Variants in SYT14 observed in about 807,000 individuals in gnomAD.
The protein encoded by SYT14 is synaptotagmin-14.
SYT14 carries 32 observed loss-of-function variants against 74.2 expected under a neutral mutation model. The ratio of observed to expected loss-of-function variants is 0.43; its 90% CI spans 0.33 to 0.58. SYT14 has a LOEUF of 0.58. Among genes scored for constraint, SYT14 ranks in the 20% least tolerant of loss-of-function variants. The pLI is 0.05. For synonymous variants in SYT14, 298 were observed against 337.7 expected (o/e 0.88, Z 1.29); for missense variants, 791 against 981.8 (o/e 0.81, Z 2.60).
At chr1:210,019,131 CAAAA>C (rs1215149823) in intron 4 of SYT14, among the ~76,000 whole-genome samples, 1 of 56,682 alleles carries the variant, frequency 1.8e-5, no homozygotes, top group Non-Finnish European at 3.1e-5. Flanking sequence ...TGAGACTCCT[CAAAA>C]AAAAAAAAAA....
intron 5 of SYT14, among the ~76,000 whole-genome samples, chr1:210,091,941 A>C (rs1261778513): frequency 6.6e-6 from 1 of 152,182 alleles, no homozygotes; most frequent in Non-Finnish European, 1.5e-5. Context: ...CACTCTTCTA[A>C]GAAAAAAGGT....
At chr1:210,016,452 G>T in exon 4 of SYT14, 3 of 1,232,032 alleles carry the variant, frequency 2.4e-6, no homozygotes, top group Non-Finnish European at 3.0e-6. Flanking sequence ...ATGAATAATG[G>T]TGGGATATCA....
exon 10 of SYT14, chr1:210,161,212 A>C: frequency 1.3e-6 from 1 of 747,462 alleles, no homozygotes; most frequent in South Asian, 1.5e-5. Context: ...ACATAAATGA[A>C]GAAAATATGT....
chr1:210,108,039 G>A (rs1438397283), intron 7 of SYT14, among the ~76,000 whole-genome samples: 1 of 152,154 alleles, frequency 6.6e-6, no homozygotes, highest in East Asian at 1.9e-4. Context: ...GTCCTTGAAG[G>A]GATGGGAGAA....
At chr1:210,046,203 GTC>G (rs2080881532) in intron 5 of SYT14, among the ~76,000 whole-genome samples, 1 of 152,088 alleles carries the variant, frequency 6.6e-6, no homozygotes. Context: ...GTGAGATCCT[GTC>G]TCTGCTAAAA....
chr1:209,943,536 A>AG (rs2078772004), intron 1 of SYT14, among the ~76,000 whole-genome samples: 1 of 142,402 alleles, frequency 7.0e-6, no homozygotes, highest in African/African-American at 2.6e-5. Context: ...AAAAAAAAAA[A>AG]AGAGAATGCA....
chr1:210,074,342 A>C (rs971359308), intron 5 of SYT14, among the ~76,000 whole-genome samples: 2 of 152,196 alleles, frequency 1.3e-5, no homozygotes, highest in Non-Finnish European at 2.9e-5. Flanking sequence ...TAAGTTGTCC[A>C]CAGTCACATA....
intron 2 of SYT14, among the ~76,000 whole-genome samples, chr1:210,008,882 A>G (rs888188015): frequency 1.5e-4 from 23 of 152,186 alleles, no homozygotes; most frequent in African/African-American, 5.5e-4. Context: ...ATTTTTTATT[A>G]GGGAGGTATG....
In SYT14 at chr1:210,139,916, A is replaced by G. The variant is rs1405404267; in HGVS notation, c.2035-15805A>G. 3.9e-5 allele frequency among the ~76,000 whole-genome samples: 6 copies of G among 152,310 alleles called. No homozygotes were observed. In the South Asian group the frequency reaches 1.0e-3, roughly 26 times the overall value. ...TGGGTTGTTTCCATTGGCTTTTATG[A>G]ATAATGCTGCTATGAACATTTGTGT... On this transcript the variant is annotated intron_variant, in intron 7 of 9. Transcript: ENST00000637265.
chr1:210,122,850 A>T (rs966052348), intron 7 of SYT14, among the ~76,000 whole-genome samples: 1 of 152,188 alleles, frequency 6.6e-6, no homozygotes, highest in African/African-American at 2.4e-5. Flanking sequence ...TGATTTGCAT[A>T]TCAGTCAGTA....
rs754027985 is a variant in SYT14, at chr1:209,938,219, C to T, written c.-592C>T. 38 of 1,515,692 alleles carry T rather than the reference C, an allele frequency of 2.5e-5. 1 individual carries two copies. In the Middle Eastern group the frequency reaches 8.8e-4, roughly 35 times the overall value. 93.9% of individuals were successfully genotyped at this position (1,515,692 alleles called of 1,614,324 possible). A position where few individuals can be genotyped will look rare whatever the true frequency, so the allele number is the denominator to read the frequency against. Reference sequence around the variant, plus strand: ...GCGCGTCCTCCGCCAGCCCTCGCGTCTGCTGCCCCCGCCATCCAGTTGGTG... The same window carrying T: ...GCGCGTCCTCCGCCAGCCCTCGCGTTTGCTGCCCCCGCCATCCAGTTGGTG... On this transcript the variant is annotated 5_prime_UTR_variant, in exon 1 of 10. Transcript: ENST00000637265.
intron 1 of SYT14, 65 bp from the exon 2 acceptor site, chr1:209,952,644 C>T (rs1275204366): frequency 7.1e-7 from 1 of 1,399,362 alleles, no homozygotes; most frequent in South Asian, 1.2e-5. Flanking sequence ...TAAAATGATT[C>T]TTTGTAACAG....
chr1:210,021,578 A>C (rs1041747976), intron 5 of SYT14, among the ~76,000 whole-genome samples: 1 of 152,224 alleles, frequency 6.6e-6, no homozygotes, highest in Non-Finnish European at 1.5e-5. Flanking sequence ...TGGTTTCTCT[A>C]TACCTGTTAT....
chr1:210,147,459 G>T (rs1001271878), intron 7 of SYT14, among the ~76,000 whole-genome samples: 7 of 152,054 alleles, frequency 4.6e-5, no homozygotes, highest in African/African-American at 1.7e-4. Flanking sequence ...ACAGTGAAAG[G>T]ATAAAATACC....
chr1:210,057,558 C>A (rs1286714442), intron 5 of SYT14, among the ~76,000 whole-genome samples: 3 of 152,284 alleles, frequency 2.0e-5, no homozygotes, highest in Non-Finnish European at 4.4e-5. Flanking sequence ...TCACATAGTG[C>A]TTGCTGGATG....
At chr1:210,030,908 G>GTTTGATTTGTTTTGT (rs1553268325) in intron 5 of SYT14, among the ~76,000 whole-genome samples, 3 of 148,956 alleles carry the variant, frequency 2.0e-5, no homozygotes, top group African/African-American at 7.6e-5. Context: ...GCAGTGTTTT[G>GTTTGATTTGTTTTGT]TTTGTTTTGT....
chr1:210,032,457 T>A (rs1431465761), intron 5 of SYT14, among the ~76,000 whole-genome samples: 1 of 152,030 alleles, frequency 6.6e-6, no homozygotes, highest in African/African-American at 2.4e-5. Context: ...AGTAGAAAGA[T>A]TCTTTACCAC....
At chr1:210,036,569 G>A (rs1432462540) in intron 5 of SYT14, among the ~76,000 whole-genome samples, 3 of 151,930 alleles carry the variant, frequency 2.0e-5, no homozygotes, top group Admixed American at 6.6e-5. Flanking sequence ...CTGTGAGTTC[G>A]TTGCATATGG....
intron 7 of SYT14, among the ~76,000 whole-genome samples, chr1:210,148,344 T>C (rs536484458): frequency 2.4e-4 from 36 of 152,044 alleles, no homozygotes; most frequent in African/African-American, 8.7e-4. Flanking sequence ...CCGTCTCTAC[T>C]AAAAATACAA....
Sources: allele counts gnomAD v4.1 joint callset (sites outside exome capture counted in the v4.1 genomes callset), GRCh38; gene constraint gnomAD v4.1.1; transcripts MANE v1.5; gene names NCBI Gene and HGNC (gene_info 2026-07-23, HGNC 2026-07-21).